ZDHHC16: variants seen among roughly 807,000 people sequenced by gnomAD.
ZDHHC16 encodes the protein palmitoyltransferase ZDHHC16.
Under a neutral mutation model 54.4 loss-of-function variants are expected in ZDHHC16, and 33 were observed. That is an observed-to-expected ratio of 0.61 (90% CI 0.46 to 0.81). The LOEUF (loss-of-function observed/expected upper bound fraction) is 0.81. Among genes scored for constraint, ZDHHC16 ranks in the 30% least tolerant of loss-of-function variants. The probability of loss-of-function intolerance (pLI) is 0.00; values close to 1 mark genes in which losing one functional copy is unlikely to be tolerated. For missense variants in ZDHHC16, 420 were observed against 485.9 expected, an observed-to-expected ratio of 0.86 and a Z score of 1.28; for synonymous variants, 185 against 182.1, an observed-to-expected ratio of 1.02 and a Z score of -0.13.
rs952818147 is a variant in ZDHHC16 at position 97,457,278 on chromosome 10, G to A, written c.*387G>A. 3 of 155,530 alleles carry A rather than the reference G, an allele frequency of 1.9e-5. No homozygotes were observed. Among genetic ancestry groups the A allele is most frequent in the African/African-American group, 7.2e-5 (3 of 41,526 alleles). 9.6% of individuals were successfully genotyped at this position (155,530 alleles called of 1,614,324 possible). ...CAGCTGAGATCTTGGCTTCTCAACA[G>A]GGCAAAGATACCAGGCCTGCTGCTG... On this transcript the variant is annotated 3_prime_UTR_variant, in exon 12 of 12. Coordinates refer to ENST00000393760, the MANE Select transcript of ZDHHC16 (RefSeq NM_198046.3).
chr10:97,451,591 G>A, intron 2 of ZDHHC16, 80 bp from the exon 3 acceptor site: 3 of 1,523,314 alleles, frequency 2.0e-6, no homozygotes, highest in African/African-American at 1.4e-5. Context: ...TGCCCTCCAA[G>A]TGAGTACTCT....
intron 1 of ZDHHC16, among the ~76,000 whole-genome samples, chr10:97,449,861 CTTT>C (rs35173837): frequency 3.7e-5 from 3 of 81,530 alleles, no homozygotes; most frequent in Admixed American, 1.6e-4. Flanking sequence ...CCCCTTAATT[CTTT>C]TTTTTTTTTT....
chr10:97,453,805 A>C lies in ZDHHC16; in HGVS notation c.697A>C (p.Lys233Gln). Residue 233 changes from lysine (K) to glutamine (Q), a missense_variant, in exon 8 of 12, where the codon AAA (lysine) becomes CAA (glutamine). By Grantham distance (53) the Lys-to-Gln change is moderately conservative. Transcript: ENST00000393760. Reference sequence around the variant, plus strand: ...CTGTTTTCCGTCCCCTTAGAAAATGAAACAGCTCGACAAGAACAAACTACA... The same window carrying C: ...CTGTTTTCCGTCCCCTTAGAAAATGCAACAGCTCGACAAGAACAAACTACA... Reference protein sequence around the residue: ...REAYAAIEKMKQLDKNKLQAV... With the variant: ...REAYAAIEKMQQLDKNKLQAV... 6.2e-7 allele frequency: 1 copy of C among 1,614,224 alleles called. No individual in the cohort carries two copies.
At position 97,451,881 on chromosome 10, in the gene ZDHHC16, A is replaced by G; in HGVS notation, c.206A>G (p.Tyr69Cys). ...TAVDAAFEPVYWLVDNVIRWF... is the reference protein window; with the variant it reads ...TAVDAAFEPVCWLVDNVIRWF... ...GTTGATGCTGCCTTTGAGCCTGTCT[A>G]CTGGCTGGTAGACAACGTGATCCGC... Residue 69 changes from tyrosine (Y) to cysteine (C), a missense_variant, in exon 3 of 12, where the codon TAC (tyrosine) becomes TGC (cysteine). Transcript: ENST00000393760. The G allele has an allele frequency of 1.2e-6, 2 of 1,613,872 alleles. No homozygotes were observed. Among genetic ancestry groups the G allele is most frequent in the Non-Finnish European group, 1.7e-6 (2 of 1,179,880 alleles).
rs750683569 is a variant in ZDHHC16, at chr10:97,455,647, CCT to C, written c.825-10_825-9del. ...TCTAAACTACCCACCAGTCTTCGCC[CCT>C]CTTTTCTTAGTTCTGTGGCACTTGC... is the stretch of plus-strand genomic sequence containing the variant. On this transcript the variant is annotated splice_polypyrimidine_tract_variant and intron_variant, in intron 9 of 11. Transcript: ENST00000393760. 3.5e-5 allele frequency: 56 copies of C among 1,614,076 alleles called. No individual in the cohort carries two copies. The highest frequency in any genetic ancestry group is 3.9e-5 in the Non-Finnish European group (46 of 1,180,048).
intron 1 of ZDHHC16, among the ~76,000 whole-genome samples, chr10:97,447,813 C>T (rs1846232824): frequency 6.6e-6 from 1 of 152,008 alleles, no homozygotes; most frequent in Admixed American, 6.6e-5. Context: ...ATCCCAGCCA[C>T]TCAGGAGGCT....
intron 8 of ZDHHC16, among the ~76,000 whole-genome samples, chr10:97,454,417 C>T (rs542828534): frequency 1.7e-4 from 26 of 152,294 alleles, no homozygotes; most frequent in African/African-American, 6.3e-4. Context: ...GGAGTTCTGG[C>T]TGGGGATTGG....
chr10:97,456,745 G>A, intron 11 of ZDHHC16, 32 bp from the exon 12 acceptor site: 1 of 1,515,460 alleles, frequency 6.6e-7, no homozygotes, highest in Non-Finnish European at 9.0e-7. Flanking sequence ...AAGAATTCTT[G>A]AACTCAGAGA....
chr10:97,452,014 A>G, intron 3 of ZDHHC16, 76 bp from the exon 4 acceptor site: 1 of 1,600,024 alleles, frequency 6.2e-7, no homozygotes, highest in African/African-American at 1.3e-5. Flanking sequence ...GCCGGCCCCC[A>G]CCCCCAGGGA....
chr10:97,451,767 T>C lies in ZDHHC16; in HGVS notation c.92T>C (p.Leu31Pro), dbSNP rs1846641039. ...LLGYRRRCPP[L>P]LRGLVQRWRY... ...GGTTACAGGCGCCGCTGTCCACCTC[T>C]ACTCCGGGGTCTAGTACAGCGCTGG... The change falls in exon 3 of 12, where the codon CTA becomes CCA. Residue 31 changes from leucine (L) to proline (P), a missense_variant. By Grantham distance (98) the Leu-to-Pro change is moderately conservative. Coordinates refer to ENST00000393760, the MANE Select transcript of ZDHHC16 (RefSeq NM_198046.3). 1.2e-6 allele frequency: 2 copies of C among 1,614,124 alleles called. No individual in the cohort carries two copies. The highest frequency in any genetic ancestry group is 2.2e-5 in the South Asian group (2 of 91,080).
In ZDHHC16 at chr10:97,453,706, C is replaced by T. The variant is rs186590512; in HGVS notation, c.690+43C>T. ...AGGGCAGCTCAGTAGTGCAGAACTT[C>T]GGGATGTAGAACCTGTCCCTAAGGA... On this transcript the variant is annotated intron_variant, in intron 7 of 11. Transcript: ENST00000393760. 4,729 of 1,614,062 alleles carry T rather than the reference C, an allele frequency of 2.9e-3. 10 individuals are homozygous for T. Among genetic ancestry groups the T allele is most frequent in the Non-Finnish European group, 3.7e-3 (4,344 of 1,179,932 alleles).
Position 97,455,512 on chromosome 10 carries a change from TAA to T in ZDHHC16, c.825-145_825-144del, listed in dbSNP as rs1014885817. Reference sequence around the variant, plus strand: ...GATGCTCTTTATAGACATAGTGAAGTAAAAGTTTATCTAGGATATATGGTGGG... The same window carrying T: ...GATGCTCTTTATAGACATAGTGAAGTAAGTTTATCTAGGATATATGGTGGG... On this transcript the variant is annotated intron_variant, in intron 9 of 11. Coordinates refer to ENST00000393760, the MANE Select transcript of ZDHHC16 (RefSeq NM_198046.3). 5.9e-5 allele frequency: 80 copies of T among 1,351,464 alleles called. No individual in the cohort carries two copies. The African/African-American group carries it at 1.1e-3, about 18-fold the overall frequency. 83.7% of individuals were successfully genotyped at this position (1,351,464 alleles called of 1,614,324 possible).
chr10:97,446,744 A>C (rs970063199), intron 1 of ZDHHC16, among the ~76,000 whole-genome samples: 1 of 152,012 alleles, frequency 6.6e-6, no homozygotes, highest in Non-Finnish European at 1.5e-5. Context: ...GTTTTTGAGG[A>C]GTCTCGCTCT....
chr10:97,447,555 C>T (rs1350147026), intron 1 of ZDHHC16, among the ~76,000 whole-genome samples: 1 of 152,148 alleles, frequency 6.6e-6, no homozygotes, highest in Non-Finnish European at 1.5e-5. Flanking sequence ...TCTGTTTCCT[C>T]CCGTTCACTG....
At chr10:97,452,340 G>A (rs533516331) in intron 4 of ZDHHC16, 56 bp downstream of exon 4, 2 of 1,611,520 alleles carry the variant, frequency 1.2e-6, no homozygotes, top group Non-Finnish European at 1.7e-6. Context: ...CTGGTCCCAG[G>A]AGTGGGGAGA....
intron 9 of ZDHHC16, 110 bp from the exon 10 acceptor site, chr10:97,455,550 G>T: frequency 6.4e-7 from 1 of 1,565,926 alleles, no homozygotes; most frequent in Non-Finnish European, 8.7e-7. Flanking sequence ...AGGTGAGGAA[G>T]ACTTAGGTAG....
chr10:97,449,055 A>G (rs1484384943), intron 1 of ZDHHC16, among the ~76,000 whole-genome samples: 1 of 152,142 alleles, frequency 6.6e-6, no homozygotes, highest in Non-Finnish European at 1.5e-5. Flanking sequence ...GAACACAAGG[A>G]GATTGAGTCC....
chr10:97,453,761 C>A, intron 7 of ZDHHC16, 38 bp from the exon 8 acceptor site: 3 of 1,614,158 alleles, frequency 1.9e-6, no homozygotes, highest in Non-Finnish European at 2.5e-6. Flanking sequence ...ATCCTAGAGG[C>A]CTGAGAGTAT....
At chr10:97,454,568 C>G (rs1016510884) in intron 8 of ZDHHC16, 146 bp from the exon 9 acceptor site, 1 of 706,098 alleles carries the variant, frequency 1.4e-6, no homozygotes, top group East Asian at 2.5e-5. Context: ...CTTGGTCCAC[C>G]CATCTTGGCT....
Sources: allele counts gnomAD v4.1 joint callset (sites outside exome capture counted in the v4.1 genomes callset), GRCh38; gene constraint gnomAD v4.1.1; transcripts MANE v1.5; gene names NCBI Gene and HGNC (gene_info 2026-07-23, HGNC 2026-07-21).